The following PRKCB variants were observed in gnomAD, a reference collection of about 807,000 sequenced individuals.
The protein encoded by PRKCB is protein kinase C beta, also known as protein kinase C beta type.
A neutral mutation model predicts 81.5 loss-of-function variants in PRKCB; 13 were observed. The observed-to-expected ratio is 0.16, with a 90% CI of 0.10 to 0.25. The LOEUF is 0.25. PRKCB is among the 10% of genes least tolerant of loss of function. The pLI is 1.00. For missense variants in PRKCB, 509 were observed against 875.7 expected (o/e 0.58, Z 5.29); for synonymous variants, 335 against 321.4 (o/e 1.04, Z -0.45).
At chr16:23,949,096 T>G (rs1964241218) in intron 2 of PRKCB, among the ~76,000 whole-genome samples, 1 of 152,256 alleles carries the variant, frequency 6.6e-6, no homozygotes, top group Non-Finnish European at 1.5e-5. Flanking sequence ...GAGGTTGCAC[T>G]GTGTGAGACC....
chr16:24,182,273 CT>C (rs1362507608), intron 13 of PRKCB, among the ~76,000 whole-genome samples: 2 of 152,104 alleles, frequency 1.3e-5, no homozygotes, highest in Non-Finnish European at 2.9e-5. Context: ...AATCTCAGCA[CT>C]TTGGGAGCCT....
intron 2 of PRKCB, among the ~76,000 whole-genome samples, chr16:23,915,645 T>C (rs1018978429): frequency 2.4e-5 from 3 of 126,432 alleles, no homozygotes; most frequent in South Asian, 2.8e-4. Context: ...TGAGCTTTGA[T>C]TGCACCACTG....
chr16:23,836,834 C>T (rs1203954814), intron 1 of PRKCB, among the ~76,000 whole-genome samples: 4 of 151,768 alleles, frequency 2.6e-5, no homozygotes, highest in Admixed American at 6.6e-5. Context: ...CTTTCTCACT[C>T]CTCTGTGCCT....
intron 2 of PRKCB, among the ~76,000 whole-genome samples, chr16:23,900,900 T>C (rs768645412): frequency 3.3e-5 from 5 of 151,988 alleles, no homozygotes; most frequent in Non-Finnish European, 4.4e-5. Context: ...AAGAGGAATT[T>C]CTAGGTTAAG....
At chr16:23,982,012 T>C (rs1964729680) in intron 2 of PRKCB, among the ~76,000 whole-genome samples, 1 of 40,634 alleles carries the variant, frequency 2.5e-5, no homozygotes, top group Non-Finnish European at 4.9e-5. Flanking sequence ...CCACTTCCCC[T>C]TTCCCTTCCA....
In PRKCB at chr16:23,895,463, A is replaced by G. The variant is rs571104415; in HGVS notation, c.205+58057A>G. On this transcript the variant is annotated intron_variant, in intron 2 of 16. Transcript: ENST00000643927. The stretch of plus-strand genomic sequence containing the variant: ...TTTCTTGAGCTAAATGTCCCTATGT[A>G]CTTTCAATTATATCTACTGATTTGT... Among the ~76,000 whole-genome samples the G allele has an allele frequency of 1.3e-5, 2 of 152,116 alleles. 1 individual carries two copies. The highest frequency in any genetic ancestry group is 4.1e-4 in the South Asian group (2 of 4,832).
intron 5 of PRKCB, among the ~76,000 whole-genome samples, chr16:24,081,149 C>T (rs1446937185): frequency 1.3e-5 from 2 of 151,646 alleles, no homozygotes; most frequent in Non-Finnish European, 2.9e-5. Context: ...TCTTTGTAAA[C>T]ATAAATATAA....
chr16:23,983,198 A>T (rs1964760732), intron 2 of PRKCB, among the ~76,000 whole-genome samples: 1 of 152,148 alleles, frequency 6.6e-6, no homozygotes, highest in African/African-American at 2.4e-5. Flanking sequence ...TGTGTCACAA[A>T]AGGATTTGAT....
intron 3 of PRKCB, among the ~76,000 whole-genome samples, chr16:24,017,562 A>G (rs1023886882): frequency 6.6e-6 from 1 of 152,216 alleles, no homozygotes; most frequent in Non-Finnish European, 1.5e-5. Context: ...CATCGACAAA[A>G]TTAAAAGGCA....
rs201580743 is a variant in PRKCB, at chr16:23,948,542, TACAGGCAC to T, written c.206-39961_206-39954del. On this transcript the variant is annotated intron_variant, in intron 2 of 16. Transcript: ENST00000643927. The stretch of plus-strand genomic sequence containing the variant: ...CCGCAGCCTCCCAGGTAGCTGGGAT[TACAGGCAC>T]ACAGCACCATGCCTGGCTAATTTTT... Among the ~76,000 whole-genome samples the T allele has an allele frequency of 7.2e-3, 1,094 of 152,234 alleles. 16 individuals carry two copies. Among genetic ancestry groups the T allele is most frequent in the African/African-American group, 0.025 (1,040 of 41,522 alleles).
intron 5 of PRKCB, among the ~76,000 whole-genome samples, chr16:24,051,527 G>A (rs1175863993): frequency 6.6e-6 from 1 of 152,090 alleles, no homozygotes; most frequent in Non-Finnish European, 1.5e-5. Flanking sequence ...CTAGCCCTGG[G>A]ACAGACAGTT....
rs189275144 is a variant in PRKCB, at chr16:23,995,518, G to A, written c.288+6928G>A. The stretch of plus-strand genomic sequence containing the variant: ...GTTTCCTATTAAGAGACAGCTCTTG[G>A]CCTGCTACCGGGCCTTCGTGGAAAC... On this transcript the variant is annotated intron_variant, in intron 3 of 16. Coordinates refer to ENST00000643927, the MANE Select transcript of PRKCB (RefSeq NM_002738.7). 1.8e-4 allele frequency among the ~76,000 whole-genome samples: 28 copies of A among 152,240 alleles called. No homozygotes were observed. In the East Asian group the frequency reaches 2.1e-3, roughly 12 times the overall value.
intron 2 of PRKCB, among the ~76,000 whole-genome samples, chr16:23,919,112 A>T (rs1963785808): frequency 6.6e-6 from 1 of 152,162 alleles, no homozygotes; most frequent in African/African-American, 2.4e-5. Flanking sequence ...ATTAACACGT[A>T]TTTTTTAAAG....
chr16:24,058,129 T>G (rs1162984173), intron 5 of PRKCB, among the ~76,000 whole-genome samples: 1 of 152,168 alleles, frequency 6.6e-6, no homozygotes, highest in Non-Finnish European at 1.5e-5. Context: ...TTGGGTTGCT[T>G]TTCCTTGGGC....
At chr16:23,838,050 G>T (rs913902500) in intron 2 of PRKCB, among the ~76,000 whole-genome samples, 12 of 152,186 alleles carry the variant, frequency 7.9e-5, no homozygotes, top group African/African-American at 1.2e-4. Context: ...CTAACCAGGG[G>T]TATCAAACCT....
intron 9 of PRKCB, among the ~76,000 whole-genome samples, chr16:24,134,863 A>G (rs960666152): frequency 6.6e-6 from 1 of 152,072 alleles, no homozygotes; most frequent in East Asian, 1.9e-4. Flanking sequence ...AGTGGCTATG[A>G]TTACACCATT....
intron 9 of PRKCB, among the ~76,000 whole-genome samples, chr16:24,150,078 C>G (rs751781083): frequency 3.3e-5 from 5 of 152,156 alleles, no homozygotes; most frequent in Non-Finnish European, 7.3e-5. Flanking sequence ...CGCCTGTAAT[C>G]CCAGCACTTT....
At chr16:23,895,373 TTC>T (rs1260196142) in intron 2 of PRKCB, among the ~76,000 whole-genome samples, 2 of 152,202 alleles carry the variant, frequency 1.3e-5, no homozygotes, top group African/African-American at 4.8e-5. Context: ...TTCAACTTTT[TTC>T]TGTTTCCAGA....
At chr16:24,097,326 G>A (rs967119507) in intron 7 of PRKCB, among the ~76,000 whole-genome samples, 18 of 152,052 alleles carry the variant, frequency 1.2e-4, no homozygotes, top group South Asian at 2.1e-4. Context: ...GTGAGCCTCC[G>A]TGCCCAGCCT....
Sources: allele counts gnomAD v4.1 joint callset (sites outside exome capture counted in the v4.1 genomes callset), GRCh38; gene constraint gnomAD v4.1.1; transcripts MANE v1.5; gene names NCBI Gene and HGNC (gene_info 2026-07-23, HGNC 2026-07-21).